Variants in DERA observed in about 807,000 individuals in gnomAD.
The protein encoded by DERA is deoxyribose-phosphate aldolase.
A neutral mutation model predicts 41.1 loss-of-function variants in DERA; 15 were observed. That is an observed-to-expected ratio of 0.37 (90% CI 0.24 to 0.56). The LOEUF is 0.56. Among genes scored for constraint, DERA ranks in the 20% least tolerant of loss-of-function variants. The pLI is 0.81. For synonymous variants in DERA, 139 were observed against 137.4 expected (o/e 1.01, Z -0.08); for missense variants, 396 against 403.4 (o/e 0.98, Z 0.16).
At chr12:15,926,742 GAAAAAAAAA>G (rs71051274) in intron 1 of DERA, among the ~76,000 whole-genome samples, 19 of 120,470 alleles carry the variant, frequency 1.6e-4, no homozygotes, top group African/African-American at 6.2e-4. Flanking sequence ...GTCTCAAAAA[GAAAAAAAAA>G]AAAAAAAAAA....
At position 15,924,176 on chromosome 12, in the gene DERA, C is replaced by T. The variant is rs73303365; in HGVS notation, c.31+12762C>T. Among the ~76,000 whole-genome samples the T allele has an allele frequency of 0.095, 14,400 of 152,156 alleles. 2,276 individuals carry two copies. The highest frequency in any genetic ancestry group is 0.32 in the African/African-American group (13,418 of 41,478). On this transcript the variant is annotated intron_variant, in intron 1 of 8. Transcript: ENST00000428559. This position sits in a 1 kb window ranked among gnomAD's most constrained non-coding sequence, Gnocchi z 5.0. ...GGTTAGGTGGCTTATGCCTGTAATC[C>T]TAACTCTTTGGGATGCTGCAGTGGG...
In DERA at chr12:15,998,386, T is replaced by G. The variant is rs980048218; in HGVS notation, c.637+15950T>G. On this transcript the variant is annotated intron_variant, in intron 6 of 8. Coordinates refer to ENST00000428559, the MANE Select transcript of DERA (RefSeq NM_015954.4). This position sits in a 1 kb window ranked among gnomAD's most constrained non-coding sequence, Gnocchi z 4.8. ...AGGCTAGAGTGCAATGGCCGGATCTTGGCTCACGGCAACCTCCGCCTTCCG... is the reference window on the plus strand; with the variant it reads ...AGGCTAGAGTGCAATGGCCGGATCTGGGCTCACGGCAACCTCCGCCTTCCG... 1.3e-5 allele frequency among the ~76,000 whole-genome samples: 2 copies of G among 152,050 alleles called. No homozygotes were observed. Among genetic ancestry groups the G allele is most frequent in the Non-Finnish European group, 2.9e-5 (2 of 68,018 alleles).
At chr12:16,028,856 G>T (rs1949071133) in intron 6 of DERA, among the ~76,000 whole-genome samples, 2 of 152,078 alleles carry the variant, frequency 1.3e-5, no homozygotes, top group Non-Finnish European at 2.9e-5. Context: ...AATAAAATAA[G>T]AAGAATCTAA....
In DERA at chr12:15,940,538, A is replaced by G. The variant is rs1948401566; in HGVS notation, c.32-16398A>G. Among the ~76,000 whole-genome samples, 1 of 152,034 alleles carries G rather than the reference A, an allele frequency of 6.6e-6. No homozygotes were observed. Among genetic ancestry groups the G allele is most frequent in the Non-Finnish European group, 1.5e-5 (1 of 68,016 alleles). On this transcript the variant is annotated intron_variant, in intron 1 of 8. Transcript: ENST00000428559. This position sits in a 1 kb window ranked among gnomAD's most constrained non-coding sequence, Gnocchi z 5.1. ...GGCTGATTTTTTGTATTTGTAGTAG[A>G]GACAGAGTTTCACCATGTTAGCCAA...
At chr12:15,975,507 C>A (rs546924979) in intron 5 of DERA, among the ~76,000 whole-genome samples, 1 of 152,306 alleles carries the variant, frequency 6.6e-6, no homozygotes, top group South Asian at 2.1e-4. Context: ...AATCTTGGAG[C>A]TAACTTGTTA....
rs1948698413 is a variant in DERA at position 15,976,515 on chromosome 12, G to A, written c.509-5793G>A. ...TTTCTCTCCACCTTCTTGGCAGTGT[G>A]TGGCTGAGAAAATCCCTGCTCTCCC... is the stretch of plus-strand genomic sequence containing the variant. On this transcript the variant is annotated intron_variant, in intron 5 of 8. Coordinates refer to ENST00000428559, the MANE Select transcript of DERA (RefSeq NM_015954.4). The surrounding 1 kb of genome is among the most constrained non-coding windows in gnomAD (Gnocchi z 4.1). Among the ~76,000 whole-genome samples, 1 of 152,184 alleles carries A rather than the reference G, an allele frequency of 6.6e-6. No individual in the cohort carries two copies. Among genetic ancestry groups the A allele is most frequent in the African/African-American group, 2.4e-5 (1 of 41,430 alleles).
chr12:15,955,170 C>T (rs112366784), intron 1 of DERA, among the ~76,000 whole-genome samples: 2,083 of 152,068 alleles, frequency 0.014, 46 homozygotes, highest in African/African-American at 0.047. Flanking sequence ...CGTGGTGGCG[C>T]ACGCCTGTAG....
In DERA at chr12:15,943,972, T is replaced by C. The variant is rs1233854977; in HGVS notation, c.32-12964T>C. ...CAATTCCCACCTATGAGTGAGAACA[T>C]GCGGTGTTTGGTTTTTTGTCCTTGT... is the stretch of plus-strand genomic sequence containing the variant. On this transcript the variant is annotated intron_variant, in intron 1 of 8. Coordinates refer to ENST00000428559, the MANE Select transcript of DERA (RefSeq NM_015954.4). The surrounding 1 kb of genome is among the most constrained non-coding windows in gnomAD (Gnocchi z 4.5). 1.4e-5 allele frequency among the ~76,000 whole-genome samples: 2 copies of C among 146,934 alleles called. No individual in the cohort carries two copies. Among genetic ancestry groups the C allele is most frequent in the Admixed American group, 7.1e-5 (1 of 14,162 alleles).
At chr12:15,958,896 C>T (rs971274176) in intron 3 of DERA, among the ~76,000 whole-genome samples, 1 of 152,108 alleles carries the variant, frequency 6.6e-6, no homozygotes, top group African/African-American at 2.4e-5. Flanking sequence ...TGTTGGACAC[C>T]TGTAAGAATT....
At chr12:16,028,649 A>G (rs985288420) in intron 6 of DERA, among the ~76,000 whole-genome samples, 1 of 152,234 alleles carries the variant, frequency 6.6e-6, no homozygotes, top group Non-Finnish European at 1.5e-5. Context: ...CTCATGGTCA[A>G]CATCAACAGT....
intron 1 of DERA, among the ~76,000 whole-genome samples, chr12:15,953,552 G>A (rs1314820257): frequency 2.6e-5 from 4 of 152,142 alleles, no homozygotes; most frequent in Non-Finnish European, 5.9e-5. Context: ...AAGGTAAATA[G>A]TGGGACTTTT....
chr12:15,921,123 GAAAT>G lies in DERA; in HGVS notation c.31+9712_31+9715del, dbSNP rs1254500430. On this transcript the variant is annotated intron_variant, in intron 1 of 8. Transcript: ENST00000428559. This position sits in a 1 kb window ranked among gnomAD's most constrained non-coding sequence, Gnocchi z 5.3. The stretch of plus-strand genomic sequence containing the variant: ...AAGTTTCTCTAAGCAAATATGGAAA[GAAAT>G]AAGCCTTTTTATTTGATTGAGATAA... 1.3e-5 allele frequency among the ~76,000 whole-genome samples: 2 copies of G among 152,154 alleles called. No individual in the cohort carries two copies. The highest frequency in any genetic ancestry group is 1.9e-4 in the East Asian group (1 of 5,200).
At position 16,012,318 on chromosome 12, in the gene DERA, A is replaced by T. The variant is rs1207859629; in HGVS notation, c.638-20224A>T. Among the ~76,000 whole-genome samples the T allele has an allele frequency of 3.3e-5, 5 of 152,262 alleles. No homozygotes were observed. The highest frequency in any genetic ancestry group is 1.2e-4 in the African/African-American group (5 of 41,468). On this transcript the variant is annotated intron_variant, in intron 6 of 8. Transcript: ENST00000428559. The surrounding 1 kb of genome is among the most constrained non-coding windows in gnomAD (Gnocchi z 4.1). ...CCAGAACAGGATTAAGGGGCCAGCC[A>T]GCTGGGCAGTTTCCCAGTGTGCTAA...
intron 1 of DERA, among the ~76,000 whole-genome samples, chr12:15,944,989 C>T (rs1273568017): frequency 6.6e-6 from 1 of 152,154 alleles, no homozygotes; most frequent in Non-Finnish European, 1.5e-5. Flanking sequence ...AATAGGGAAT[C>T]CTTTCCCCGT....
Position 15,995,945 on chromosome 12 carries a change from G to A in DERA, c.637+13509G>A, listed in dbSNP as rs1049149641. Among the ~76,000 whole-genome samples the A allele has an allele frequency of 6.6e-6, 1 of 152,128 alleles. No homozygotes were observed. Among genetic ancestry groups the A allele is most frequent in the Non-Finnish European group, 1.5e-5 (1 of 68,028 alleles). ...GATGGCTTTTGAGCTAGTTATTATAGGAAGAATTTCGTCAGTGTCTGAATC... is the reference window on the plus strand; with the variant it reads ...GATGGCTTTTGAGCTAGTTATTATAAGAAGAATTTCGTCAGTGTCTGAATC... On this transcript the variant is annotated intron_variant, in intron 6 of 8. Transcript: ENST00000428559. This position sits in a 1 kb window ranked among gnomAD's most constrained non-coding sequence, Gnocchi z 5.1.
rs1326492502 is a variant in DERA, at chr12:15,988,843, C to T, written c.637+6407C>T. Among the ~76,000 whole-genome samples the T allele has an allele frequency of 3.3e-5, 5 of 152,200 alleles. No homozygotes were observed. Among genetic ancestry groups the T allele is most frequent in the Non-Finnish European group, 1.5e-5 (1 of 68,036 alleles). On this transcript the variant is annotated intron_variant, in intron 6 of 8. Transcript: ENST00000428559. This position sits in a 1 kb window ranked among gnomAD's most constrained non-coding sequence, Gnocchi z 6.0. Reference sequence around the variant, plus strand: ...GCGCCTGCAGACCCACACCAAGCTGCCCTCAGCCCCTTGGCCTTTCTCCTA... The same window carrying T: ...GCGCCTGCAGACCCACACCAAGCTGTCCTCAGCCCCTTGGCCTTTCTCCTA...
rs1261081261 is a variant in DERA at position 15,967,974 on chromosome 12, G to T, written c.508+5027G>T. On this transcript the variant is annotated intron_variant, in intron 5 of 8. Coordinates refer to ENST00000428559, the MANE Select transcript of DERA (RefSeq NM_015954.4). The surrounding 1 kb of genome is among the most constrained non-coding windows in gnomAD (Gnocchi z 4.9). ...AAAAGAATTGAGGTGTGTATGTGAG[G>T]GAGGAATAGGCTTCTAAATGGGGAA... 6.6e-6 allele frequency among the ~76,000 whole-genome samples: 1 copy of T among 152,120 alleles called. No individual in the cohort carries two copies. Among genetic ancestry groups the T allele is most frequent in the African/African-American group, 2.4e-5 (1 of 41,410 alleles).
At chr12:15,974,092 C>T (rs1433387610) in intron 5 of DERA, among the ~76,000 whole-genome samples, 1 of 152,022 alleles carries the variant, frequency 6.6e-6, no homozygotes, top group Non-Finnish European at 1.5e-5. Flanking sequence ...GTATTATATA[C>T]ATATTTTTCT....
At position 15,921,613 on chromosome 12, in the gene DERA, T is replaced by G. The variant is rs1948244987; in HGVS notation, c.31+10199T>G. On this transcript the variant is annotated intron_variant, in intron 1 of 8. Transcript: ENST00000428559. This position sits in a 1 kb window ranked among gnomAD's most constrained non-coding sequence, Gnocchi z 5.3. ...TTTCTTCAGTAAGTAGCAAGAAACT[T>G]AAGTGCTTCTAATAATTTTCCAAAG... Among the ~76,000 whole-genome samples the G allele has an allele frequency of 1.3e-5, 2 of 152,096 alleles. No homozygotes were observed. Among genetic ancestry groups the G allele is most frequent in the African/African-American group, 4.8e-5 (2 of 41,438 alleles).
Sources: allele counts gnomAD v4.1 joint callset (sites outside exome capture counted in the v4.1 genomes callset), GRCh38; gene constraint gnomAD v4.1.1; non-coding constraint Gnocchi (gnomAD v3.1); transcripts MANE v1.5; gene names NCBI Gene and HGNC (gene_info 2026-07-23, HGNC 2026-07-21).